Variants in UPF3A observed in about 807,000 individuals in gnomAD.
UPF3A encodes the protein regulator of nonsense transcripts 3A.
UPF3A carries 42 observed loss-of-function variants against 53.5 expected under a neutral mutation model. That is an observed-to-expected ratio of 0.78 (90% CI 0.61 to 1.01). The LOEUF is 1.01. UPF3A is among the 50% of genes least tolerant of loss of function. UPF3A has a pLI of 0.00. For synonymous variants in UPF3A, 237 were observed against 225.3 expected (o/e 1.05, Z -0.47); for missense variants, 575 against 598.0 (o/e 0.96, Z 0.40).
intron 5 of UPF3A, among the ~76,000 whole-genome samples, chr13:114,288,388 G>A (rs1333902628): frequency 5.9e-5 from 9 of 152,218 alleles, no homozygotes; most frequent in Admixed American, 4.6e-4. Flanking sequence ...ACTGGCTGCG[G>A]GAGGGAAAGA....
chr13:114,300,338 A>G (rs939706076), intron 8 of UPF3A, among the ~76,000 whole-genome samples: 3 of 152,124 alleles, frequency 2.0e-5, no homozygotes, highest in African/African-American at 7.2e-5. Context: ...TGTAGAAAAG[A>G]AGGTTTATTT....
chr13:114,297,986 C>T (rs745684081), intron 7 of UPF3A, among the ~76,000 whole-genome samples: 8 of 151,928 alleles, frequency 5.3e-5, no homozygotes, highest in Non-Finnish European at 1.2e-4. Flanking sequence ...CCAACCTGGA[C>T]GACAGAGCGA....
chr13:114,294,917 C>G (rs529447296), intron 7 of UPF3A, among the ~76,000 whole-genome samples: 1 of 151,326 alleles, frequency 6.6e-6, no homozygotes, highest in East Asian at 2.0e-4. Context: ...TCGAGACCAT[C>G]CTGGCTAACA....
intron 8 of UPF3A, among the ~76,000 whole-genome samples, chr13:114,301,418 C>G (rs137928133): frequency 0.028 from 4,221 of 151,526 alleles, 205 homozygotes; most frequent in African/African-American, 0.098. Context: ...AGCTGAGATC[C>G]CGCCATTTTA....
In UPF3A at chr13:114,301,823, G is replaced by A. The variant is rs2086633701; in HGVS notation, c.1100G>A (p.Arg367Lys). The A allele has an allele frequency of 3.7e-6, 6 of 1,613,840 alleles. No individual in the cohort carries two copies. Among genetic ancestry groups the A allele is most frequent in the South Asian group, 1.1e-5 (1 of 91,060 alleles). The change falls in exon 9 of 10, where the codon AGG becomes AAG. Residue 367 changes from arginine (R) to lysine (K), a missense_variant. Coordinates refer to ENST00000375299, the MANE Select transcript of UPF3A (RefSeq NM_023011.4). ...EAQRYHVDDG[R>K]RHRAHHEPER... ...CAAAGATACCATGTGGATGACGGCA[G>A]GAGGCACAGAGCTCACCACGAGCCT... is the stretch of plus-strand genomic sequence containing the variant.
At chr13:114,301,179 T>C (rs2086569731) in intron 8 of UPF3A, among the ~76,000 whole-genome samples, 1 of 151,068 alleles carries the variant, frequency 6.6e-6, no homozygotes, top group African/African-American at 2.4e-5. Flanking sequence ...TACCTTAGCA[T>C]GGCCAGGCAC....
Position 114,282,892 on chromosome 13 carries a change from A to T in UPF3A, c.370A>T (p.Ile124Phe). The change falls in exon 3 of 10, where the codon ATC (isoleucine) becomes TTC (phenylalanine). Residue 124 changes from isoleucine (I) to phenylalanine (F), a missense_variant. Coordinates refer to ENST00000375299, the MANE Select transcript of UPF3A (RefSeq NM_023011.4). Reference protein sequence around the residue: ...AYINFRNPDDILLFRDRFDGY... With the variant: ...AYINFRNPDDFLLFRDRFDGY... ...CATTAATTTTAGGAATCCTGATGAC[A>T]TCCTTCTTTTTAGAGATCGTTTTGA... is the stretch of plus-strand genomic sequence containing the variant. The T allele has an allele frequency of 6.2e-7, 1 of 1,612,614 alleles. No individual in the cohort carries two copies. Among genetic ancestry groups the T allele is most frequent in the Non-Finnish European group, 8.5e-7 (1 of 1,179,166 alleles).
chr13:114,291,083 A>G (rs1040698743), intron 5 of UPF3A, among the ~76,000 whole-genome samples: 1 of 152,226 alleles, frequency 6.6e-6, no homozygotes. Context: ...ATGTCTTATC[A>G]TTGGGATTTT....
In UPF3A at chr13:114,305,249, A is replaced by G; in HGVS notation, c.*332A>G. 1 of 320,738 alleles carries G rather than the reference A, an allele frequency of 3.1e-6. No homozygotes were observed. The allele number at this position is 320,738 out of a possible 1,614,324, so 19.9% of individuals were successfully genotyped here. ...ATTGGATCAGTGTGAGTCCTGAAGC[A>G]CTTTCAGTGCTGTGAGAACGACATC... On this transcript the variant is annotated 3_prime_UTR_variant, in exon 10 of 10. Coordinates refer to ENST00000375299, the MANE Select transcript of UPF3A (RefSeq NM_023011.4).
In UPF3A at chr13:114,298,936, T is replaced by C. The variant is rs2086321624; in HGVS notation, c.943T>C (p.Cys315Arg). Reference sequence around the variant, plus strand: ...TACTGGAGGTGGCAAGCAGGAATCCTGTGCCCCCGGTGCAGTCGTAAAAGC... The same window carrying C: ...TACTGGAGGTGGCAAGCAGGAATCCCGTGCCCCCGGTGCAGTCGTAAAAGC... ...IDTGGGKQES[C>R]APGAVVKARP... Residue 315 changes from cysteine (C) to arginine (R), a missense_variant, in exon 8 of 10, where the codon TGT becomes CGT. This residue lies in a region of UPF3A where 323 missense variants were observed against 415.2 expected (regional missense o/e 0.78). Coordinates refer to ENST00000375299, the MANE Select transcript of UPF3A (RefSeq NM_023011.4). 1.2e-6 allele frequency: 2 copies of C among 1,610,860 alleles called. No homozygotes were observed. The highest frequency in any genetic ancestry group is 1.7e-6 in the Non-Finnish European group (2 of 1,178,714).
At chr13:114,297,220 CCG>C in intron 7 of UPF3A, among the ~76,000 whole-genome samples, 1 of 147,466 alleles carries the variant, frequency 6.8e-6, no homozygotes, top group East Asian at 2.0e-4. Context: ...TGTGGTGCTT[CCG>C]TTTTTTTTTT....
At chr13:114,298,574 G>A (rs754647809) in intron 7 of UPF3A, among the ~76,000 whole-genome samples, 1 of 152,116 alleles carries the variant, frequency 6.6e-6, no homozygotes, top group East Asian at 1.9e-4. Flanking sequence ...TGTGGTGCAT[G>A]TTCTGTTTTT....
At position 114,286,564 on chromosome 13, in the gene UPF3A, AGAAGACCAGTGCCAACCCTGAGACTCT is replaced by A; in HGVS notation, c.568_594del (p.Lys190_Leu198del). Reference sequence around the variant, plus strand: ...TTAGAAACCTACTGTGTGGAGGAAGAGAAGACCAGTGCCAACCCTGAGACTCTGCTGGGGGAGATGGAGGCGAAGACA... The same window carrying A: ...TTAGAAACCTACTGTGTGGAGGAAGAGCTGGGGGAGATGGAGGCGAAGACA... On this transcript the variant is annotated inframe_deletion, in exon 5 of 10. Transcript: ENST00000375299. 1 of 1,614,072 alleles carries A rather than the reference AGAAGACCAGTGCCAACCCTGAGACTCT, an allele frequency of 6.2e-7. No individual in the cohort carries two copies.
chr13:114,283,217 A>C (rs1474634843), intron 3 of UPF3A: 3 of 275,930 alleles, frequency 1.1e-5, no homozygotes, highest in Non-Finnish European at 2.1e-5. Flanking sequence ...CGGGGGTCTC[A>C]CTGTGTTGCC....
intron 5 of UPF3A, 96 bp from the exon 6 acceptor site, chr13:114,291,393 T>G (rs2085254773): frequency 8.5e-7 from 1 of 1,179,046 alleles, no homozygotes; most frequent in African/African-American, 1.6e-5. Context: ...AATGATATGG[T>G]TCCCGTATTT....
intron 7 of UPF3A, among the ~76,000 whole-genome samples, chr13:114,295,345 C>T (rs1435725721): frequency 7.7e-6 from 1 of 129,898 alleles, no homozygotes; most frequent in African/African-American, 3.0e-5. Context: ...CTGGCCTGCT[C>T]CCCAGCTCGT....
intron 7 of UPF3A, among the ~76,000 whole-genome samples, chr13:114,296,643 T>C (rs1237649050): frequency 6.6e-6 from 1 of 152,166 alleles, no homozygotes; most frequent in African/African-American, 2.4e-5. Context: ...AATTTATTGC[T>C]GACTGGTCAG....
At chr13:114,295,619 C>T (rs1417505394) in intron 7 of UPF3A, among the ~76,000 whole-genome samples, 2 of 152,242 alleles carry the variant, frequency 1.3e-5, no homozygotes, top group South Asian at 2.1e-4. Context: ...TTTACTCTCC[C>T]TTCATGTCTG....
At chr13:114,294,878 C>T (rs776271107) in intron 7 of UPF3A, among the ~76,000 whole-genome samples, 23 of 148,902 alleles carry the variant, frequency 1.5e-4, no homozygotes, top group South Asian at 6.3e-4. Flanking sequence ...TTTGGGAGGC[C>T]GAGGTGGGCG....
Sources: allele counts gnomAD v4.1 joint callset (sites outside exome capture counted in the v4.1 genomes callset), GRCh38; gene constraint gnomAD v4.1.1; regional missense constraint gnomAD v4.1.1; transcripts MANE v1.5; gene names NCBI Gene and HGNC (gene_info 2026-07-23, HGNC 2026-07-21).